The following MEF2A variants were observed in gnomAD, a reference collection of about 807,000 sequenced individuals.
MEF2A encodes the protein myocyte enhancer factor 2A.
MEF2A carries 28 observed loss-of-function variants against 55.8 expected under a neutral mutation model. That is an observed-to-expected ratio of 0.50 (90% confidence interval 0.37 to 0.69). The LOEUF (loss-of-function observed/expected upper bound fraction) is 0.69. MEF2A is among the 30% of genes least tolerant of loss of function. MEF2A has a pLI of 0.00. For synonymous variants in MEF2A, 239 were observed against 227.1 expected (o/e 1.05, Z -0.47); for missense variants, 528 against 626.2 (o/e 0.84, Z 1.67).
chr15:99,583,137 C>G (rs1437943555), intron 1 of MEF2A, among the ~76,000 whole-genome samples: 1 of 152,008 alleles, frequency 6.6e-6, no homozygotes, highest in Non-Finnish European at 1.5e-5. Flanking sequence ...TTTTTATTTT[C>G]CGTTAGTTCA....
chr15:99,576,542 T>C (rs1964324499), intron 1 of MEF2A, among the ~76,000 whole-genome samples: 1 of 152,198 alleles, frequency 6.6e-6, no homozygotes, highest in Admixed American at 6.5e-5. Context: ...TATAATATTT[T>C]AGTTAATTTT....
At chr15:99,618,791 T>C (rs1007889039) in intron 2 of MEF2A, among the ~76,000 whole-genome samples, 1 of 152,244 alleles carries the variant, frequency 6.6e-6, no homozygotes, top group African/African-American at 2.4e-5. Flanking sequence ...TATACTGTTC[T>C]TGTAACTTTT....
Position 99,715,300 on chromosome 15 carries a change from A to G in MEF2A, c.*2529A>G, listed in dbSNP as rs1003398826. ...GTTAACACATTCACATTTACTGTCT[A>G]TTTTCTTGTGTGCCTTATGAGATGG... On this transcript the variant is annotated 3_prime_UTR_variant, in exon 12 of 12. Coordinates refer to ENST00000557942, the MANE Select transcript of MEF2A (RefSeq NM_001319206.4). 2.6e-5 allele frequency: 4 copies of G among 152,106 alleles called. No homozygotes were observed. Among genetic ancestry groups the G allele is most frequent in the Non-Finnish European group, 5.9e-5 (4 of 68,026 alleles). 9.4% of individuals were successfully genotyped at this position (152,106 alleles called of 1,614,324 possible). A position where few individuals can be genotyped will look rare whatever the true frequency, so the allele number is the denominator to read the frequency against.
intron 2 of MEF2A, among the ~76,000 whole-genome samples, chr15:99,613,034 T>G (rs890609004): frequency 6.6e-6 from 1 of 152,194 alleles, no homozygotes; most frequent in Non-Finnish European, 1.5e-5. Flanking sequence ...GTAGATATAA[T>G]GCAATCAGGA....
intron 4 of MEF2A, among the ~76,000 whole-genome samples, chr15:99,654,909 G>A (rs1456636745): frequency 1.3e-5 from 2 of 152,118 alleles, no homozygotes; most frequent in Admixed American, 6.6e-5. Context: ...CACATGTGGC[G>A]ATTGGTTACT....
At chr15:99,625,908 G>T (rs1449506400) in intron 2 of MEF2A, among the ~76,000 whole-genome samples, 1 of 151,918 alleles carries the variant, frequency 6.6e-6, no homozygotes, top group Non-Finnish European at 1.5e-5. Context: ...CTATTCATAG[G>T]GTATATTGGT....
rs1470974611 is a variant in MEF2A, at chr15:99,712,700, C to T, written c.1447C>T (p.Arg483Ter). The change falls in exon 12 of 12, where the codon CGA (arginine) becomes TGA (stop). Residue 483 changes from arginine (R) to a stop codon, truncating the protein, a stop_gained. Coordinates refer to ENST00000557942, the MANE Select transcript of MEF2A (RefSeq NM_001319206.4). LOFTEE classifies it high-confidence loss of function. The surrounding 1 kb of genome is among the most constrained non-coding windows in gnomAD (Gnocchi z 4.1). ...CTTCCATTCTCCAATTGTGCTTGGC[C>T]GACCCCCAAACACTGAGGACAGAGA... ...GDFHSPIVLG[R>*]PPNTEDRESP... 3.2e-6 allele frequency: 5 copies of T among 1,564,174 alleles called. No individual in the cohort carries two copies. Among genetic ancestry groups the T allele is most frequent in the Non-Finnish European group, 4.3e-6 (5 of 1,154,158 alleles).
intron 5 of MEF2A, among the ~76,000 whole-genome samples, chr15:99,672,996 G>T (rs1413054798): frequency 2.6e-5 from 4 of 152,144 alleles, no homozygotes; most frequent in Admixed American, 1.3e-4. Context: ...ACCCTTTGTG[G>T]ATGTGCTTGT....
At chr15:99,692,765 C>T (rs2055739618) in intron 8 of MEF2A, among the ~76,000 whole-genome samples, 1 of 152,190 alleles carries the variant, frequency 6.6e-6, no homozygotes, top group Non-Finnish European at 1.5e-5. Flanking sequence ...AAAGTTTTGC[C>T]AGGATCTTTT....
intron 1 of MEF2A, among the ~76,000 whole-genome samples, chr15:99,574,390 A>G (rs1187767951): frequency 1.3e-5 from 2 of 152,132 alleles, no homozygotes; most frequent in African/African-American, 4.8e-5. Context: ...CATTACATTT[A>G]TTGTACACTT....
At chr15:99,690,514 G>A in intron 8 of MEF2A, 86 bp downstream of exon 8, 1 of 1,125,236 alleles carries the variant, frequency 8.9e-7, no homozygotes, top group Non-Finnish European at 1.3e-6. Flanking sequence ...AATTTTCTGT[G>A]CCACCGTAGA....
chr15:99,669,964 G>A (rs1316037635), intron 4 of MEF2A, among the ~76,000 whole-genome samples: 1 of 152,100 alleles, frequency 6.6e-6, no homozygotes. Context: ...AGCTCTGTTA[G>A]TTAGGCTTAC....
intron 4 of MEF2A, among the ~76,000 whole-genome samples, chr15:99,669,149 CAA>C (rs2050372126): frequency 6.6e-6 from 1 of 152,006 alleles, no homozygotes; most frequent in Non-Finnish European, 1.5e-5. Flanking sequence ...AAAATGTGGT[CAA>C]AGAGATATAT....
chr15:99,586,361 G>A (rs553255212), intron 1 of MEF2A, among the ~76,000 whole-genome samples: 94 of 152,202 alleles, frequency 6.2e-4, no homozygotes, highest in African/African-American at 2.2e-3. Flanking sequence ...GCCTTTTTAA[G>A]TTGAGACATT....
At chr15:99,653,570 TG>T (rs2047203153) in intron 4 of MEF2A, among the ~76,000 whole-genome samples, 1 of 152,200 alleles carries the variant, frequency 6.6e-6, no homozygotes, top group African/African-American at 2.4e-5. Flanking sequence ...TTTCACTGAT[TG>T]TGTATGCTAA....
intron 3 of MEF2A, among the ~76,000 whole-genome samples, chr15:99,637,748 T>C (rs185199712): frequency 2.6e-5 from 4 of 152,266 alleles, no homozygotes; most frequent in African/African-American, 7.2e-5. Flanking sequence ...GTTCGTGCCA[T>C]TCTTCTGCCT....
intron 1 of MEF2A, among the ~76,000 whole-genome samples, chr15:99,596,082 CTT>C (rs1458146246): frequency 6.6e-6 from 1 of 151,810 alleles, no homozygotes; most frequent in Non-Finnish European, 1.5e-5. Context: ...ACTATAAAAA[CTT>C]GATTTTTTAC....
chr15:99,567,216 C>G (rs895968858), intron 1 of MEF2A, among the ~76,000 whole-genome samples: 1 of 152,168 alleles, frequency 6.6e-6, no homozygotes, highest in African/African-American at 2.4e-5. Context: ...GATTGGGATT[C>G]CAATAAATGC....
intron 1 of MEF2A, among the ~76,000 whole-genome samples, chr15:99,567,592 A>ATGAC (rs1285089385): frequency 3.3e-5 from 5 of 151,332 alleles, no homozygotes; most frequent in Non-Finnish European, 7.4e-5. Flanking sequence ...GAGGATAAAA[A>ATGAC]TGACTGCATT....
Sources: allele counts gnomAD v4.1 joint callset (sites outside exome capture counted in the v4.1 genomes callset), GRCh38; gene constraint gnomAD v4.1.1; non-coding constraint Gnocchi (gnomAD v3.1); transcripts MANE v1.5; gene names NCBI Gene and HGNC (gene_info 2026-07-23, HGNC 2026-07-21).